The following MTERF3 variants were observed in gnomAD, a reference collection of about 807,000 sequenced individuals.
MTERF3 encodes transcription termination factor 3, mitochondrial.
A neutral mutation model predicts 40.5 loss-of-function variants in MTERF3; 40 were observed. The observed-to-expected ratio is 0.99, with a 90% CI of 0.77 to 1.29. The LOEUF (loss-of-function observed/expected upper bound fraction) is 1.29, where lower values mean the gene tolerates loss of function less well. MTERF3 is among the 50% of genes most tolerant of loss of function. The probability of loss-of-function intolerance (pLI) is 0.00; values close to 1 mark genes in which losing one functional copy is unlikely to be tolerated. For missense variants in MTERF3, 452 were observed against 478.2 expected, an observed-to-expected ratio of 0.95 and a Z score of 0.51; for synonymous variants, 158 against 166.6, an observed-to-expected ratio of 0.95 and a Z score of 0.40.
At chr8:96,261,440 C>A (rs1586176142) in intron 1 of MTERF3, 61 bp downstream of exon 1, 1 of 152,428 alleles carries the variant, frequency 6.6e-6, no homozygotes, top group African/African-American at 2.4e-5. Flanking sequence ...GACGCGGGTG[C>A]GCCGGAACCT....
In MTERF3 at chr8:96,256,896, T is replaced by C. The variant is rs980331358; in HGVS notation, c.487+66A>G. On this transcript the variant is annotated intron_variant, in intron 3 of 7. Transcript: ENST00000287025. ...TACTTAGTATAGATTAAATTGTTAATTTAAAAAAGTAAAAAAAGTAATGAA... is the reference window on the plus strand; with the variant it reads ...TACTTAGTATAGATTAAATTGTTAACTTAAAAAAGTAAAAAAAGTAATGAA... 6 of 1,445,728 alleles carry C rather than the reference T, an allele frequency of 4.2e-6. No homozygotes were observed. In the African/African-American group the frequency reaches 5.8e-5, roughly 14 times the overall value. 89.6% of individuals were successfully genotyped at this position (1,445,728 alleles called of 1,614,324 possible). A position where few individuals can be genotyped will look rare whatever the true frequency, so the allele number is the denominator to read the frequency against.
chr8:96,257,327 G>C lies in MTERF3; in HGVS notation c.335-213C>G, dbSNP rs369426433. ...ACTGTTCCTCTGAGATTAGAAATTT[G>C]TTGGTAAATTTCAAAGCACACAATG... On this transcript the variant is annotated intron_variant, in intron 2 of 7. Transcript: ENST00000287025. The C allele has an allele frequency of 4.9e-5, 19 of 389,358 alleles. No individual in the cohort carries two copies. The East Asian group carries it at 5.4e-4, about 11-fold the overall frequency. 24.1% of individuals were successfully genotyped at this position (389,358 alleles called of 1,614,324 possible).
chr8:96,246,541 C>CAA (rs1460766623), intron 4 of MTERF3, 87 bp from the exon 5 acceptor site: 6 of 1,240,808 alleles, frequency 4.8e-6, no homozygotes, highest in Non-Finnish European at 6.4e-6. Flanking sequence ...CCCAAAGTAA[C>CAA]AGCTGTTTTT....
rs138972841 is a variant in MTERF3, at chr8:96,255,900, G to A, written c.487+1062C>T. 2.9e-3 allele frequency among the ~76,000 whole-genome samples: 444 copies of A among 150,762 alleles called. 3 individuals carry two copies. The highest frequency in any genetic ancestry group is 0.01 in the African/African-American group (423 of 40,380). On this transcript the variant is annotated intron_variant, in intron 3 of 7. Coordinates refer to ENST00000287025, the MANE Select transcript of MTERF3 (RefSeq NM_015942.5). ...GCCTGCAAATGAGAATCTGGCAAGT[G>A]GTAAGTGATCAGTACCACAAAAAAC...
chr8:96,250,281 A>T (rs1182367837), intron 4 of MTERF3, among the ~76,000 whole-genome samples: 1 of 151,520 alleles, frequency 6.6e-6, no homozygotes, highest in Non-Finnish European at 1.5e-5. Flanking sequence ...ACCACAAAAG[A>T]TCATATCTTT....
intron 7 of MTERF3, among the ~76,000 whole-genome samples, chr8:96,243,151 A>G (rs1809958969): frequency 6.6e-6 from 1 of 152,330 alleles, no homozygotes; most frequent in Non-Finnish European, 1.5e-5. Flanking sequence ...TTAAGGTCAT[A>G]TTTCTTTTAC....
At chr8:96,241,129 C>A (rs780659119) in intron 7 of MTERF3, among the ~76,000 whole-genome samples, 1 of 151,886 alleles carries the variant, frequency 6.6e-6, no homozygotes, top group African/African-American at 2.4e-5. Context: ...AACTATCACC[C>A]GGCCGGGCGC....
chr8:96,244,544 G>T (rs1029132182), intron 6 of MTERF3, among the ~76,000 whole-genome samples: 6 of 151,278 alleles, frequency 4.0e-5, no homozygotes, highest in Non-Finnish European at 4.4e-5. Flanking sequence ...GGGATTACAG[G>T]TGCCCACCAC....
rs780346728 is a variant in MTERF3, at chr8:96,239,665, A to C, written c.1080T>G (p.Phe360Leu). Residue 360 changes from phenylalanine to leucine, a missense_variant, in exon 8 of 8, where the codon TTT becomes TTG. Coordinates refer to ENST00000287025, the MANE Select transcript of MTERF3 (RefSeq NM_015942.5). ...GAAACAAGTGTCTTTCTTTGACCTTAAACAGCCTTGTATTAAATACCTAGA... is the reference window on the plus strand; with the variant it reads ...GAAACAAGTGTCTTTCTTTGACCTTCAACAGCCTTGTATTAAATACCTAGA... ...KFPQVFNTRL[F>L]KVKERHLFLT... The C allele has an allele frequency of 1.9e-5, 30 of 1,594,426 alleles. No homozygotes were observed. Among genetic ancestry groups the C allele is most frequent in the Non-Finnish European group, 2.5e-5 (29 of 1,175,358 alleles).
At chr8:96,246,241 A>G (rs1810018298) in intron 5 of MTERF3, 66 bp downstream of exon 5, 2 of 1,435,514 alleles carry the variant, frequency 1.4e-6, no homozygotes, top group African/African-American at 1.4e-5. Context: ...TGCTGGGAAC[A>G]TGAGATCTAT....
intron 2 of MTERF3, among the ~76,000 whole-genome samples, chr8:96,257,764 C>G (rs921648497): frequency 5.3e-5 from 8 of 152,138 alleles, no homozygotes; most frequent in African/African-American, 9.7e-5. Context: ...TGCTTCTCAT[C>G]ATTAACTATC....
intron 4 of MTERF3, among the ~76,000 whole-genome samples, chr8:96,247,963 T>C (rs866719420): frequency 2.0e-5 from 3 of 152,302 alleles, no homozygotes; most frequent in Middle Eastern, 3.4e-3. Flanking sequence ...ATTCAACATA[T>C]GAAAAGATGC....
chr8:96,255,699 TTC>T (rs1293956135), intron 3 of MTERF3, among the ~76,000 whole-genome samples: 5 of 151,848 alleles, frequency 3.3e-5, no homozygotes, highest in Admixed American at 1.3e-4. Context: ...GCACAGATTT[TTC>T]TCTTTTTCCT....
intron 3 of MTERF3, among the ~76,000 whole-genome samples, chr8:96,255,457 G>T (rs1586172294): frequency 1.3e-5 from 2 of 151,962 alleles, no homozygotes; most frequent in Non-Finnish European, 2.9e-5. Flanking sequence ...TGGCCAACAG[G>T]GTGAAACCTC....
rs751864506 is a variant in MTERF3 at position 96,250,909 on chromosome 8, G to C, written c.674C>G (p.Thr225Ser). Residue 225 changes from threonine to serine, a missense_variant, in exon 4 of 8, where the codon ACC (threonine) becomes AGC (serine). Coordinates refer to ENST00000287025, the MANE Select transcript of MTERF3 (RefSeq NM_015942.5). ...AGAATCCTTTTAAAAGTCCTACCTG[G>C]TCTTCAGATTTTCAAGGTCTTCAGA... The part of the protein sequence containing the change: ...IFSEDLENLK[T>S]RVAYLHSKNF... The C allele has an allele frequency of 4.4e-6, 7 of 1,603,010 alleles. No individual in the cohort carries two copies. In the South Asian group the frequency reaches 4.5e-5, roughly 10 times the overall value.
chr8:96,251,229 T>A, intron 3 of MTERF3, 134 bp from the exon 4 acceptor site: 1 of 622,044 alleles, frequency 1.6e-6, no homozygotes, highest in South Asian at 3.0e-5. Context: ...CAATAGAAAC[T>A]TCTAAATATT....
intron 7 of MTERF3, among the ~76,000 whole-genome samples, chr8:96,243,021 G>A (rs536056482): frequency 5.0e-4 from 76 of 152,234 alleles, no homozygotes; most frequent in African/African-American, 1.5e-3. Context: ...GTATATTTAC[G>A]TTTGGTAAAA....
At chr8:96,250,643 A>AGAAGAAGAAGAAGAAGAG (rs1810143288) in intron 4 of MTERF3, among the ~76,000 whole-genome samples, 1 of 31,586 alleles carries the variant, frequency 3.2e-5, no homozygotes. Context: ...AAGAAGAAGA[A>AGAAGAAGAAGAAGAAGAG]GAAGAAGAAG....
At position 96,241,194 on chromosome 8, in the gene MTERF3, G is replaced by A. The variant is rs559414885; in HGVS notation, c.1060-1509C>T. Among the ~76,000 whole-genome samples, 4 of 152,126 alleles carry A rather than the reference G, an allele frequency of 2.6e-5. No homozygotes were observed. The East Asian group carries it at 5.8e-4, about 22-fold the overall frequency. On this transcript the variant is annotated intron_variant, in intron 7 of 7. Coordinates refer to ENST00000287025, the MANE Select transcript of MTERF3 (RefSeq NM_015942.5). ...TGGGAGGCCAAGGTGGGCGGATCAC[G>A]AAGTCAAGAGTTTGAGACCATCCTG...
Sources: allele counts gnomAD v4.1 joint callset (sites outside exome capture counted in the v4.1 genomes callset), GRCh38; gene constraint gnomAD v4.1.1; transcripts MANE v1.5; gene names NCBI Gene and HGNC (gene_info 2026-07-23, HGNC 2026-07-21).